Variants in APLP2 observed in about 807,000 individuals in gnomAD.
APLP2 encodes the protein CDEI box-binding protein.
Under a neutral mutation model 89.9 loss-of-function variants are expected in APLP2, and 53 were observed. The observed-to-expected ratio is 0.59, with a 90% CI of 0.47 to 0.74. The LOEUF (loss-of-function observed/expected upper bound fraction) is 0.74. Among genes scored for constraint, APLP2 ranks in the 30% least tolerant of loss-of-function variants. APLP2 has a pLI of 0.00. For missense variants in APLP2, 973 were observed against 975.9 expected, an observed-to-expected ratio of 1.00 and a Z score of 0.04; for synonymous variants, 372 against 348.6, an observed-to-expected ratio of 1.07 and a Z score of -0.75.
At chr11:130,134,513 A>G (rs534047493) in intron 12 of APLP2, among the ~76,000 whole-genome samples, 5 of 152,366 alleles carry the variant, frequency 3.3e-5, no homozygotes, top group Admixed American at 3.3e-4. Flanking sequence ...CAGCAAAATC[A>G]AGGAGTTTGG....
chr11:130,116,995 G>A (rs12281161), intron 3 of APLP2, among the ~76,000 whole-genome samples: 14,338 of 151,986 alleles, frequency 0.094, 2,091 homozygotes, highest in African/African-American at 0.31. Flanking sequence ...GCTGGGTGTG[G>A]TGGCGAACGC....
intron 13 of APLP2, 76 bp from the exon 14 acceptor site, chr11:130,140,322 G>C: frequency 8.6e-7 from 1 of 1,162,844 alleles, no homozygotes; most frequent in Non-Finnish European, 1.2e-6. Flanking sequence ...CCCTCAGGAG[G>C]GAGTTTGCTG....
At chr11:130,083,311 A>C (rs989154969) in intron 1 of APLP2, among the ~76,000 whole-genome samples, 7 of 152,198 alleles carry the variant, frequency 4.6e-5, no homozygotes, top group African/African-American at 1.4e-4. Flanking sequence ...CTGTGATTGC[A>C]GGTGTGGGCC....
chr11:130,088,846 C>T (rs767536854), intron 1 of APLP2, among the ~76,000 whole-genome samples: 35 of 151,862 alleles, frequency 2.3e-4, no homozygotes, highest in Non-Finnish European at 4.0e-4. Context: ...TGCACAGTCT[C>T]CCCCAGGTGG....
At chr11:130,121,504 G>A in intron 4 of APLP2, 110 bp from the exon 5 acceptor site, 1 of 1,322,652 alleles carries the variant, frequency 7.6e-7, no homozygotes. Flanking sequence ...ATAAGAGAAA[G>A]CATTGCTAAG....
chr11:130,135,832 G>A, intron 13 of APLP2, 117 bp downstream of exon 13: 1 of 1,273,874 alleles, frequency 7.9e-7, no homozygotes, highest in East Asian at 2.5e-5. Context: ...GCGAGAGTCA[G>A]GGGAAGGGAG....
At chr11:130,089,892 AC>A (rs553391122) in intron 1 of APLP2, among the ~76,000 whole-genome samples, 10 of 152,112 alleles carry the variant, frequency 6.6e-5, no homozygotes, top group Non-Finnish European at 1.2e-4. Flanking sequence ...TTAAGGGCCC[AC>A]CCTGCTCCAG....
At chr11:130,078,970 A>G (rs981296460) in intron 1 of APLP2, among the ~76,000 whole-genome samples, 2 of 152,134 alleles carry the variant, frequency 1.3e-5, no homozygotes, top group Non-Finnish European at 2.9e-5. Context: ...CATTTTACCA[A>G]AACAGCTTCT....
chr11:130,092,969 C>T (rs545506982), intron 1 of APLP2, among the ~76,000 whole-genome samples: 137 of 152,252 alleles, frequency 9.0e-4, no homozygotes, highest in African/African-American at 3.1e-3. Flanking sequence ...CCTCTGAAGA[C>T]ATGCTGAGGC....
intron 1 of APLP2, chr11:130,070,636 C>A (rs1489380129): frequency 6.9e-7 from 1 of 1,459,298 alleles, no homozygotes; most frequent in Admixed American, 2.5e-5. Context: ...CGGGGGAGCT[C>A]CCGCGCCAGG....
chr11:130,110,497 T>C lies in APLP2; in HGVS notation c.280-41T>C, dbSNP rs777309705. ...CCTTACTTGCAAGTGTGTGTCTGTC[T>C]GCAGATTGATTTATTGTGTGTGTGT... On this transcript the variant is annotated intron_variant, in intron 2 of 16. Transcript: ENST00000338167. The C allele has an allele frequency of 4.4e-6, 7 of 1,607,374 alleles. No homozygotes were observed. In the East Asian group the frequency reaches 8.9e-5, roughly 21 times the overall value.
At chr11:130,131,931 C>T (rs1253904793) in intron 11 of APLP2, among the ~76,000 whole-genome samples, 2 of 152,230 alleles carry the variant, frequency 1.3e-5, no homozygotes, top group East Asian at 1.9e-4. Context: ...AGCTTACCTT[C>T]TGCCTTGTTC....
intron 1 of APLP2, among the ~76,000 whole-genome samples, chr11:130,085,178 G>A (rs532866444): frequency 2.7e-4 from 41 of 152,296 alleles, no homozygotes; most frequent in African/African-American, 9.1e-4. Context: ...GGCTGAGTGC[G>A]GTGGCTTATG....
At chr11:130,073,914 G>C (rs576188314) in intron 1 of APLP2, among the ~76,000 whole-genome samples, 1 of 152,272 alleles carries the variant, frequency 6.6e-6, no homozygotes, top group African/African-American at 2.4e-5. Context: ...CCTTTACTCA[G>C]ATTCACCAAT....
At chr11:130,114,033 T>G (rs1180878974) in intron 3 of APLP2, among the ~76,000 whole-genome samples, 1 of 152,206 alleles carries the variant, frequency 6.6e-6, no homozygotes, top group Non-Finnish European at 1.5e-5. Context: ...ACAGTGTGTA[T>G]TTTTAAAAAG....
chr11:130,100,242 C>T (rs1946725958), intron 1 of APLP2: 1 of 152,174 alleles, frequency 6.6e-6, no homozygotes, highest in Non-Finnish European at 1.5e-5. Context: ...GCCTTAAAGC[C>T]ACACTCTTGG....
chr11:130,100,357 A>G (rs1362423890), intron 1 of APLP2: 1 of 152,156 alleles, frequency 6.6e-6, no homozygotes, highest in East Asian at 1.9e-4. Flanking sequence ...TGGACTTCCT[A>G]TTTTATAATG....
Position 130,135,799 on chromosome 11 carries a change from T to A in APLP2, c.1837+84T>A, listed in dbSNP as rs78473455. Reference sequence around the variant, plus strand: ...TGAAGTCAGTTTTTCGAAAACCAAATTGAGTTGGGAGATGGTGTTCCTGCG... The same window carrying A: ...TGAAGTCAGTTTTTCGAAAACCAAAATGAGTTGGGAGATGGTGTTCCTGCG... On this transcript the variant is annotated intron_variant, in intron 13 of 16. Transcript: ENST00000338167. The A allele has an allele frequency of 9.7e-4, 1,471 of 1,522,944 alleles. 14 individuals are homozygous for A. The African/African-American group carries it at 0.018, about 19-fold the overall frequency. 94.3% of individuals were successfully genotyped at this position (1,522,944 alleles called of 1,614,324 possible).
intron 1 of APLP2, among the ~76,000 whole-genome samples, chr11:130,092,050 C>G (rs1446124311): frequency 1.6e-5 from 2 of 123,252 alleles, no homozygotes; most frequent in African/African-American, 3.5e-5. Context: ...GACGGGGTCT[C>G]GGCCGGGCAG....
Sources: gnomAD v4.1 joint callset for allele counts (sites outside exome capture counted in the v4.1 genomes callset) on GRCh38, gnomAD v4.1.1 for gene constraint, MANE v1.5 for transcripts, NCBI Gene and HGNC (gene_info 2026-07-23, HGNC 2026-07-21) for gene names.